PRKAG2: variants seen among roughly 807,000 people sequenced by gnomAD.
PRKAG2 encodes the protein 5'-AMP-activated protein kinase subunit gamma-2.
In PRKAG2, 26 loss-of-function variants were observed where a neutral mutation model predicts 69.6. The observed-to-expected ratio is 0.37, with a 90% CI of 0.27 to 0.52. The LOEUF (loss-of-function observed/expected upper bound fraction) is 0.52, where lower values mean the gene tolerates loss of function less well. Ranked by LOEUF, PRKAG2 falls within the 20% of genes least tolerant of loss-of-function variation. The pLI, the probability that PRKAG2 is intolerant of heterozygous loss-of-function variation, is 0.90. For missense variants in PRKAG2, 557 were observed against 740.0 expected (o/e 0.75, Z 2.87); for synonymous variants, 293 against 285.0 (o/e 1.03, Z -0.28).
chr7:151,648,498 G>A (rs905269246), intron 4 of PRKAG2, among the ~76,000 whole-genome samples: 3 of 152,164 alleles, frequency 2.0e-5, no homozygotes, highest in African/African-American at 7.2e-5. Flanking sequence ...ACATTGCTAG[G>A]AGGGGCCGGT....
intron 5 of PRKAG2, among the ~76,000 whole-genome samples, chr7:151,621,478 T>C (rs1315129384): frequency 6.6e-6 from 1 of 151,950 alleles, no homozygotes; most frequent in East Asian, 1.9e-4. Flanking sequence ...AGCCTAGGAG[T>C]TGCAGACCAA....
intron 5 of PRKAG2, among the ~76,000 whole-genome samples, chr7:151,605,689 C>T (rs1040735910): frequency 6.6e-6 from 1 of 152,088 alleles, no homozygotes; most frequent in Non-Finnish European, 1.5e-5. Flanking sequence ...CCTGTAATCC[C>T]AGCACTTTGG....
chr7:151,558,928 T>C (rs1375898374), intron 15 of PRKAG2: 11 of 985,320 alleles, frequency 1.1e-5, no homozygotes, highest in Non-Finnish European at 8.4e-6. Flanking sequence ...GCTTGACTTG[T>C]TTACTCTTTT....
chr7:151,799,829 G>A (rs920283494), intron 1 of PRKAG2, among the ~76,000 whole-genome samples: 2 of 152,222 alleles, frequency 1.3e-5, no homozygotes, highest in African/African-American at 4.8e-5. Context: ...CTACCAGATA[G>A]GACATGAAGG....
At chr7:151,744,631 A>G (rs1241012442) in intron 3 of PRKAG2, among the ~76,000 whole-genome samples, 2 of 152,230 alleles carry the variant, frequency 1.3e-5, no homozygotes, top group Non-Finnish European at 2.9e-5. Context: ...TGAAGCTGCA[A>G]ATAGTCTCCT....
chr7:151,866,430 C>T (rs969033232), intron 1 of PRKAG2, among the ~76,000 whole-genome samples: 1 of 152,212 alleles, frequency 6.6e-6, no homozygotes, highest in African/African-American at 2.4e-5. Context: ...TCACATATTA[C>T]TTTAGAGATA....
rs545707638 is a variant in PRKAG2, at chr7:151,712,428, G to C, written c.467-36791C>G. 2.6e-5 allele frequency among the ~76,000 whole-genome samples: 4 copies of C among 152,362 alleles called. No homozygotes were observed. The South Asian group carries it at 8.3e-4, about 32-fold the overall frequency. ...CTCTACACTCAGGACCCACGAGACT[G>C]CTAATGGTAACCACAGGGACAGCCC... is the stretch of plus-strand genomic sequence containing the variant. On this transcript the variant is annotated intron_variant, in intron 3 of 15. Coordinates refer to ENST00000287878, the MANE Select transcript of PRKAG2 (RefSeq NM_016203.4).
chr7:151,873,784 A>G (rs2080275211), intron 1 of PRKAG2, among the ~76,000 whole-genome samples: 1 of 152,026 alleles, frequency 6.6e-6, no homozygotes, highest in African/African-American at 2.4e-5. Context: ...CTGGTTCTGG[A>G]TTTTGTCTCA....
chr7:151,785,274 C>A (rs1187461663), intron 2 of PRKAG2, among the ~76,000 whole-genome samples: 3 of 152,236 alleles, frequency 2.0e-5, no homozygotes, highest in African/African-American at 7.2e-5. Flanking sequence ...ATCTTCCGTG[C>A]AAGGTTTTCA....
chr7:151,754,012 G>A (rs1347856620), intron 3 of PRKAG2, among the ~76,000 whole-genome samples: 4 of 152,090 alleles, frequency 2.6e-5, no homozygotes, highest in African/African-American at 7.2e-5. Context: ...GAGCAAGACC[G>A]CATCTCGAAA....
intron 3 of PRKAG2, among the ~76,000 whole-genome samples, chr7:151,764,080 G>A (rs984788390): frequency 2.6e-5 from 4 of 152,370 alleles, no homozygotes; most frequent in Non-Finnish European, 2.9e-5. Context: ...GCAGAGGAGG[G>A]AGGCAGTGTT....
chr7:151,717,099 T>C (rs551721343), intron 3 of PRKAG2, among the ~76,000 whole-genome samples: 1 of 152,056 alleles, frequency 6.6e-6, no homozygotes, highest in African/African-American at 2.4e-5. Flanking sequence ...GTATAAAAAT[T>C]AGTCGAGTTG....
intron 4 of PRKAG2, among the ~76,000 whole-genome samples, chr7:151,666,031 G>C (rs1831001175): frequency 6.6e-6 from 1 of 152,144 alleles, no homozygotes; most frequent in Non-Finnish European, 1.5e-5. Context: ...CAAAGCTCTT[G>C]AGTTTATTAT....
At chr7:151,703,500 G>T (rs1838058013) in intron 3 of PRKAG2, among the ~76,000 whole-genome samples, 1 of 132,330 alleles carries the variant, frequency 7.6e-6, no homozygotes, top group African/African-American at 3.2e-5. Context: ...GGCCACTTGG[G>T]CTTTAAAAAA....
At chr7:151,716,829 C>T (rs935158314) in intron 3 of PRKAG2, among the ~76,000 whole-genome samples, 4 of 152,208 alleles carry the variant, frequency 2.6e-5, no homozygotes, top group Non-Finnish European at 4.4e-5. Flanking sequence ...CCCCCAAGCC[C>T]GCGTGGAGCA....
intron 4 of PRKAG2, among the ~76,000 whole-genome samples, chr7:151,664,032 A>G (rs1328423313): frequency 1.3e-5 from 2 of 152,226 alleles, no homozygotes; most frequent in East Asian, 3.8e-4. Flanking sequence ...CTGTGTGCCA[A>G]TAAAACTTTA....
chr7:151,812,844 G>T (rs2078490380), intron 1 of PRKAG2, among the ~76,000 whole-genome samples: 2 of 151,988 alleles, frequency 1.3e-5, no homozygotes, highest in South Asian at 4.1e-4. Context: ...AAATATTTTA[G>T]ATTTTCAATT....
chr7:151,659,765 G>A (rs1207403850), intron 4 of PRKAG2, among the ~76,000 whole-genome samples: 3 of 152,230 alleles, frequency 2.0e-5, no homozygotes, highest in African/African-American at 7.2e-5. Flanking sequence ...TTAGTTTGAA[G>A]ATAATGTCTT....
chr7:151,795,846 C>CATGT (rs2077478909), intron 1 of PRKAG2, among the ~76,000 whole-genome samples: 1 of 56,792 alleles, frequency 1.8e-5, no homozygotes. Flanking sequence ...AAACAAATCT[C>CATGT]ATATATATAT....
Sources: allele counts gnomAD v4.1 joint callset (sites outside exome capture counted in the v4.1 genomes callset), GRCh38; gene constraint gnomAD v4.1.1; transcripts MANE v1.5; gene names NCBI Gene and HGNC (gene_info 2026-07-23, HGNC 2026-07-21).